Variants in SPATA7 observed in about 807,000 individuals in gnomAD.
SPATA7 encodes spermatogenesis-associated protein 7.
A neutral mutation model predicts 51.8 loss-of-function variants in SPATA7; 43 were observed. That is an observed-to-expected ratio of 0.83 (90% confidence interval 0.65 to 1.07). The LOEUF is 1.07. SPATA7 is among the 50% of genes least tolerant of loss of function. SPATA7 has a pLI of 0.00. For synonymous variants in SPATA7, 230 were observed against 252.8 expected (o/e 0.91, Z 0.86); for missense variants, 683 against 701.3 (o/e 0.97, Z 0.30).
At chr14:88,412,121 G>A (rs1317810992) in intron 4 of SPATA7, among the ~76,000 whole-genome samples, 1 of 151,918 alleles carries the variant, frequency 6.6e-6, no homozygotes, top group African/African-American at 2.4e-5. Flanking sequence ...GATTAGTGAT[G>A]TTGAGTACTT....
rs1194604640 is a variant in SPATA7, at chr14:88,469,450, T to C, written c.255-397T>C. On this transcript the variant is annotated intron_variant, in intron 4 of 4. Transcript: ENST00000556406. This position sits in a 1 kb window ranked among gnomAD's most constrained non-coding sequence, Gnocchi z 4.3. ...GGAAACATAAATGTTCCTCTCTGTT[T>C]AACACCTCCAGAGGCAGCTGTCCTC... is the stretch of plus-strand genomic sequence containing the variant. 3 of 1,452,342 alleles carry C rather than the reference T, an allele frequency of 2.1e-6. No homozygotes were observed. Among genetic ancestry groups the C allele is most frequent in the Non-Finnish European group, 2.9e-6 (3 of 1,034,646 alleles). 90.0% of individuals were successfully genotyped at this position (1,452,342 alleles called of 1,614,324 possible).
chr14:88,429,170 A>C (rs1470525049), intron 7 of SPATA7, 178 bp from the exon 8 acceptor site: 1 of 422,884 alleles, frequency 2.4e-6, no homozygotes, highest in Non-Finnish European at 4.3e-6. Flanking sequence ...TTTATCTTTA[A>C]GTTTAAGAAA....
intron 10 of SPATA7, among the ~76,000 whole-genome samples, chr14:88,433,786 T>G (rs1011934834): frequency 6.6e-6 from 1 of 152,210 alleles, no homozygotes; most frequent in Non-Finnish European, 1.5e-5. Context: ...GACCCTATTA[T>G]GTATACTACT....
intron 3 of SPATA7, among the ~76,000 whole-genome samples, chr14:88,447,783 TC>T (rs2140044768): frequency 6.6e-6 from 1 of 152,274 alleles, no homozygotes; most frequent in Admixed American, 6.5e-5. Context: ...GGTTGAAAAT[TC>T]TTTTCTTTAA....
At chr14:88,390,724 A>G (rs2075720555) in intron 1 of SPATA7, among the ~76,000 whole-genome samples, 1 of 152,206 alleles carries the variant, frequency 6.6e-6, no homozygotes. Context: ...ATTCTGGACA[A>G]GAAAAAAGTC....
At chr14:88,464,684 C>T (rs1405584602) in intron 4 of SPATA7, among the ~76,000 whole-genome samples, 2 of 151,988 alleles carry the variant, frequency 1.3e-5, no homozygotes, top group East Asian at 1.9e-4. Flanking sequence ...AAGCCGAGAT[C>T]GTGCCACTGC....
At chr14:88,449,719 T>G (rs2077238339) in intron 3 of SPATA7, among the ~76,000 whole-genome samples, 3 of 152,172 alleles carry the variant, frequency 2.0e-5, no homozygotes. Context: ...ATCTCATTTT[T>G]TTGGTCTAGT....
intron 4 of SPATA7, chr14:88,467,009 C>G (rs763057220): frequency 6.6e-6 from 1 of 152,166 alleles, no homozygotes; most frequent in Non-Finnish European, 1.5e-5. Flanking sequence ...CGGAGTAAGT[C>G]ACTGGCGGTC....
chr14:88,463,275 C>T (rs189166678), intron 4 of SPATA7, among the ~76,000 whole-genome samples: 425 of 152,308 alleles, frequency 2.8e-3, no homozygotes, highest in Non-Finnish European at 4.7e-3. Context: ...CCTTCACCCC[C>T]TGCCCCACTT....
Position 88,433,121 on chromosome 14 carries a change from C to G in SPATA7, c.1083-14C>G. 6.2e-7 allele frequency: 1 copy of G among 1,601,302 alleles called. No individual in the cohort carries two copies. The highest frequency in any genetic ancestry group is 8.5e-7 in the Non-Finnish European group (1 of 1,170,748). ...GGAATAATTTTTATGCTATATATTG[C>G]CTTCCTTTTACAGTGAAGAAGAACT... is the stretch of plus-strand genomic sequence containing the variant. On this transcript the variant is annotated splice_polypyrimidine_tract_variant and intron_variant, in intron 9 of 11. Coordinates refer to ENST00000393545, the MANE Select transcript of SPATA7 (RefSeq NM_018418.5).
At chr14:88,470,089 A>G (rs2077436418) in exon 5 of SPATA7, 2 of 1,594,192 alleles carry the variant, frequency 1.3e-6, no homozygotes, top group African/African-American at 1.3e-5. Flanking sequence ...ATGTGTGGGT[A>G]TAATATACAT....
chr14:88,436,250 G>T (rs1402780087), intron 10 of SPATA7, among the ~76,000 whole-genome samples: 1 of 152,004 alleles, frequency 6.6e-6, no homozygotes. Flanking sequence ...CCCATTTTTT[G>T]ATTGGGTTAT....
chr14:88,397,910 C>T (rs529345300), intron 4 of SPATA7, among the ~76,000 whole-genome samples: 55 of 151,760 alleles, frequency 3.6e-4, no homozygotes, highest in South Asian at 3.3e-3. Context: ...GGTGAAACCC[C>T]GTCTCTACTA....
In SPATA7 at chr14:88,431,175, A is replaced by G. The variant is rs2076930384; in HGVS notation, c.1032A>G (p.Ala344=). The G allele has an allele frequency of 6.2e-7, 1 of 1,613,642 alleles. No homozygotes were observed. Among genetic ancestry groups the G allele is most frequent in the East Asian group, 2.2e-5 (1 of 44,816 alleles). ...DDALQHSSPR[A]MCQYSLKPPS... ...TACTTTAACTTCCTCTTTCTAGGGC[A>G]ATGTGTCAGTATTCCCTGAAGCCCC... Residue 344 remains alanine (A), a synonymous_variant, in exon 9 of 12, where the codon GCA becomes GCG. Transcript: ENST00000393545.
At chr14:88,406,220 T>C (rs1400661899) in intron 4 of SPATA7, among the ~76,000 whole-genome samples, 1 of 152,076 alleles carries the variant, frequency 6.6e-6, no homozygotes, top group Non-Finnish European at 1.5e-5. Context: ...TGGAATATAG[T>C]TTATTGAATT....
At chr14:88,399,550 C>A (rs2139897701) in intron 4 of SPATA7, among the ~76,000 whole-genome samples, 1 of 152,268 alleles carries the variant, frequency 6.6e-6, no homozygotes, top group South Asian at 2.1e-4. Context: ...TAGATGATTT[C>A]TAAGGACCCT....
chr14:88,399,051 C>CAA (rs962205139), intron 4 of SPATA7, among the ~76,000 whole-genome samples: 6 of 63,204 alleles, frequency 9.5e-5, no homozygotes, highest in East Asian at 4.1e-4. Flanking sequence ...GACTCCGTCT[C>CAA]AAAAAAAAAA....
At chr14:88,406,201 T>C (rs58160851) in intron 4 of SPATA7, among the ~76,000 whole-genome samples, 5,373 of 152,240 alleles carry the variant, frequency 0.035, 311 homozygotes, top group African/African-American at 0.12. Flanking sequence ...ACTTGATCAG[T>C]TCCTAACCTG....
chr14:88,391,245 C>T (rs2075736192), intron 1 of SPATA7, 136 bp from the exon 2 acceptor site: 1 of 748,108 alleles, frequency 1.3e-6, no homozygotes, highest in African/African-American at 1.8e-5. Flanking sequence ...GAGATTACTA[C>T]TAAAAACGCA....
Sources: gnomAD v4.1 joint callset for allele counts (sites outside exome capture counted in the v4.1 genomes callset) on GRCh38, gnomAD v4.1.1 for gene constraint, Gnocchi (gnomAD v3.1) non-coding constraint, MANE v1.5 for transcripts, NCBI Gene and HGNC (gene_info 2026-07-23, HGNC 2026-07-21) for gene names.